TG: variants seen among roughly 807,000 people sequenced by gnomAD.
TG encodes thyroid hormones.
TG carries 270 observed loss-of-function variants against 324.7 expected under a neutral mutation model. The observed-to-expected ratio is 0.83, with a 90% CI of 0.75 to 0.92. The LOEUF (loss-of-function observed/expected upper bound fraction) is 0.92. TG is among the 40% of genes least tolerant of loss of function. TG has a pLI of 0.00. For missense variants in TG, 3,591 were observed against 3,456.4 expected, an observed-to-expected ratio of 1.04 and a Z score of -0.98; for synonymous variants, 1,401 against 1,327.0, an observed-to-expected ratio of 1.06 and a Z score of -1.21.
intron 41 of TG, chr8:133,049,766 T>G: frequency 1.5e-6 from 1 of 680,266 alleles, no homozygotes; most frequent in Non-Finnish European, 2.7e-6. Flanking sequence ...CCTTATTGAC[T>G]GGGTTGGGAG....
intron 35 of TG, among the ~76,000 whole-genome samples, chr8:132,999,746 C>T (rs1420353564): frequency 6.6e-6 from 1 of 152,222 alleles, no homozygotes; most frequent in Non-Finnish European, 1.5e-5. Flanking sequence ...TACTACCTGG[C>T]TCTTTACTAT....
Position 133,013,706 on chromosome 8 carries a change from G to C in TG, c.6504G>C (p.Gln2168His), listed in dbSNP as rs1834742738. 2.5e-6 allele frequency: 4 copies of C among 1,613,996 alleles called. No homozygotes were observed. The highest frequency in any genetic ancestry group is 3.4e-6 in the Non-Finnish European group (4 of 1,180,046). ...ADTQSCTHSL[Q>H]GQNCRLLLRE... ...CTCAAAGCTGCACACATAGTCTGCA[G>C]GGTCAGAACTGCCGACTTCTGCTTC... The change falls in exon 37 of 48, where the codon CAG (glutamine) becomes CAC (histidine). Residue 2168 changes from glutamine to histidine, a missense_variant. Physicochemically the swap from Gln to His is conservative, Grantham distance 24. Coordinates refer to ENST00000220616, the MANE Select transcript of TG (RefSeq NM_003235.5).
Position 132,966,619 on chromosome 8 carries a change from C to A in TG, c.5608C>A (p.Gln1870Lys). The A allele has an allele frequency of 1.9e-6, 3 of 1,614,078 alleles. No homozygotes were observed. Among genetic ancestry groups the A allele is most frequent in the Non-Finnish European group, 2.5e-6 (3 of 1,179,988 alleles). ...DLNQVIVNGNQSLSSQKHWLF... is the reference protein window; with the variant it reads ...DLNQVIVNGNKSLSSQKHWLF... ...CAACCAGGTCATTGTCAATGGAAATCAATCACTATCCAGCCAGAAGCACTG... is the reference window on the plus strand; with the variant it reads ...CAACCAGGTCATTGTCAATGGAAATAAATCACTATCCAGCCAGAAGCACTG... Residue 1870 changes from glutamine (Q) to lysine (K), a missense_variant, in exon 30 of 48, where the codon CAA becomes AAA. Physicochemically the swap from Gln to Lys is moderately conservative, Grantham distance 53. Transcript: ENST00000220616.
chr8:132,946,037 T>G (rs1352004954), intron 26 of TG, among the ~76,000 whole-genome samples: 18 of 116,872 alleles, frequency 1.5e-4, no homozygotes, highest in African/African-American at 4.7e-4. Context: ...AAAAATATGT[T>G]ACACACACAC....
intron 16 of TG, among the ~76,000 whole-genome samples, chr8:132,905,847 C>A (rs1049328276): frequency 6.6e-6 from 1 of 152,054 alleles, no homozygotes; most frequent in African/African-American, 2.4e-5. Flanking sequence ...GAAAACAGAA[C>A]GTGTTGAGTT....
intron 41 of TG, among the ~76,000 whole-genome samples, chr8:133,032,873 T>A (rs975130861): frequency 5.9e-5 from 9 of 152,242 alleles, no homozygotes; most frequent in African/African-American, 1.9e-4. Context: ...TTCCTTGCAC[T>A]GATTGGCATG....
At chr8:132,946,521 G>A (rs532134125) in intron 26 of TG, among the ~76,000 whole-genome samples, 114 of 152,242 alleles carry the variant, frequency 7.5e-4, no homozygotes, top group African/African-American at 2.6e-3. Context: ...ATCTGCTGAC[G>A]ACCAGGAACA....
intron 41 of TG, chr8:133,073,263 T>C (rs1175540366): frequency 6.6e-6 from 1 of 152,194 alleles, no homozygotes; most frequent in Admixed American, 6.5e-5. Context: ...CTGTTTAAGA[T>C]GAAGGAATCT....
chr8:132,995,769 A>C (rs549897221), intron 35 of TG, among the ~76,000 whole-genome samples: 1 of 152,212 alleles, frequency 6.6e-6, no homozygotes, highest in South Asian at 2.1e-4. Flanking sequence ...TTTTGCTCGT[A>C]ATGAACTTAG....
chr8:133,106,940 T>C (rs1849854948), intron 43 of TG, among the ~76,000 whole-genome samples: 1 of 152,214 alleles, frequency 6.6e-6, no homozygotes, highest in Non-Finnish European at 1.5e-5. Flanking sequence ...AGCAAGGGCC[T>C]GCAGCCATGT....
chr8:133,088,815 T>C (rs1464053490), intron 41 of TG, among the ~76,000 whole-genome samples: 2 of 152,196 alleles, frequency 1.3e-5, no homozygotes, highest in East Asian at 1.9e-4. Context: ...ACTGTCCCTG[T>C]GATGGAAGTT....
At chr8:133,041,490 G>A (rs965577782) in intron 41 of TG, among the ~76,000 whole-genome samples, 12 of 152,140 alleles carry the variant, frequency 7.9e-5, no homozygotes, top group African/African-American at 1.4e-4. Context: ...AGATTTAATC[G>A]GGTGGGAATC....
chr8:133,111,505 G>A (rs540380145), intron 43 of TG, among the ~76,000 whole-genome samples: 6 of 152,314 alleles, frequency 3.9e-5, no homozygotes, highest in African/African-American at 1.2e-4. Flanking sequence ...AGAATATAAT[G>A]CAGTTTTTTC....
intron 29 of TG, chr8:132,964,858 A>G (rs1828312281): frequency 1.4e-6 from 1 of 699,846 alleles, no homozygotes; most frequent in African/African-American, 1.8e-5. Flanking sequence ...AATGCAGGAG[A>G]AGGAATGCTA....
At chr8:133,102,555 G>A (rs1312319227) in intron 43 of TG, 15 of 1,551,522 alleles carry the variant, frequency 9.7e-6, no homozygotes, top group Non-Finnish European at 1.3e-5. Context: ...CAACCTACCG[G>A]TGGAGCATCA....
rs777377027 is a variant in TG, at chr8:133,011,883, C to T, written c.6263-18C>T. 7.4e-6 allele frequency: 12 copies of T among 1,614,026 alleles called. No individual in the cohort carries two copies. Among genetic ancestry groups the T allele is most frequent in the Middle Eastern group, 1.6e-4 (1 of 6,074 alleles). The stretch of plus-strand genomic sequence containing the variant: ...CAGGTGACAACTGCATGTGACTGTC[C>T]GTTGCCTTCTCTCCTAGTGTCTCTG... On this transcript the variant is annotated intron_variant, in intron 35 of 47. Coordinates refer to ENST00000220616, the MANE Select transcript of TG (RefSeq NM_003235.5).
At chr8:133,052,864 A>T (rs1023632037) in intron 41 of TG, among the ~76,000 whole-genome samples, 21 of 152,152 alleles carry the variant, frequency 1.4e-4, no homozygotes, top group African/African-American at 4.8e-4. Flanking sequence ...TTTGCCACTC[A>T]CTGAGTGGGA....
intron 35 of TG, among the ~76,000 whole-genome samples, chr8:133,006,413 T>C (rs1028657011): frequency 2.6e-5 from 4 of 152,248 alleles, no homozygotes; most frequent in African/African-American, 7.2e-5. Flanking sequence ...TCTTGTCACA[T>C]TTCTCAAGAG....
At chr8:132,972,165 G>A (rs760942922) in intron 33 of TG, 12 of 476,192 alleles carry the variant, frequency 2.5e-5, no homozygotes, top group Middle Eastern at 1.2e-3. Flanking sequence ...GCAGCTTGGC[G>A]AACTTTGGAT....
Sources: allele counts gnomAD v4.1 joint callset (sites outside exome capture counted in the v4.1 genomes callset), GRCh38; gene constraint gnomAD v4.1.1; transcripts MANE v1.5; gene names NCBI Gene and HGNC (gene_info 2026-07-23, HGNC 2026-07-21).